The following ITPR2 variants were observed in gnomAD, a reference collection of about 807,000 sequenced individuals.
ITPR2 encodes inositol 1,4,5-trisphosphate-gated calcium channel ITPR2.
In ITPR2, 207 loss-of-function variants were observed where a neutral mutation model predicts 317.1. The observed-to-expected ratio is 0.65, with a 90% CI of 0.58 to 0.73. ITPR2 has a LOEUF of 0.73. Ranked by LOEUF, ITPR2 falls within the 30% of genes least tolerant of loss-of-function variation. ITPR2 has a pLI of 0.00. For synonymous variants in ITPR2, 1,156 were observed against 1,149.1 expected (o/e 1.01, Z -0.12); for missense variants, 2,613 against 3,284.0 (o/e 0.80, Z 4.99).
chr12:26,440,760 T>A (rs10771284), intron 46 of ITPR2, among the ~76,000 whole-genome samples: 113,157 of 149,770 alleles, frequency 0.76, 43,054 homozygotes, highest in Non-Finnish European at 0.83. Context: ...TCAAATATTT[T>A]TAAAAAATCT....
At chr12:26,743,055 T>C (rs1417129479) in intron 2 of ITPR2, among the ~76,000 whole-genome samples, 1 of 152,206 alleles carries the variant, frequency 6.6e-6, no homozygotes, top group African/African-American at 2.4e-5. Context: ...GAAAAGGTTC[T>C]AGAATAGAAA....
chr12:26,704,724 A>T (rs1948519070), intron 9 of ITPR2, among the ~76,000 whole-genome samples: 2 of 152,186 alleles, frequency 1.3e-5, no homozygotes, highest in African/African-American at 4.8e-5. Context: ...TATCTTCTTT[A>T]ATTCCAGAAT....
intron 26 of ITPR2, 98 bp from the exon 27 acceptor site, chr12:26,602,804 T>C: frequency 1.8e-6 from 1 of 547,358 alleles, no homozygotes; most frequent in Admixed American, 3.8e-5. Flanking sequence ...GTAATTATTT[T>C]GTAATAAATC....
At chr12:26,348,442 T>G (rs1938374760) in intron 55 of ITPR2, among the ~76,000 whole-genome samples, 3 of 152,316 alleles carry the variant, frequency 2.0e-5, no homozygotes, top group South Asian at 2.1e-4. Flanking sequence ...TGAGGGCAGA[T>G]TAGGCATTAT....
intron 37 of ITPR2, among the ~76,000 whole-genome samples, chr12:26,506,078 G>A (rs1006388746): frequency 6.6e-6 from 1 of 151,722 alleles, no homozygotes; most frequent in Admixed American, 6.6e-5. Flanking sequence ...TACTTAATAT[G>A]TAAATATTAC....
intron 1 of ITPR2, among the ~76,000 whole-genome samples, chr12:26,812,877 C>T (rs1950781072): frequency 6.6e-6 from 1 of 152,218 alleles, no homozygotes; most frequent in Non-Finnish European, 1.5e-5. Context: ...TATCAAACAT[C>T]TATTTATTCA....
intron 2 of ITPR2, among the ~76,000 whole-genome samples, chr12:26,771,073 T>A (rs1949831985): frequency 6.6e-6 from 1 of 152,216 alleles, no homozygotes; most frequent in South Asian, 2.1e-4. Context: ...AGGACCCACC[T>A]GGGTAATCCA....
intron 8 of ITPR2, among the ~76,000 whole-genome samples, chr12:26,714,314 C>A (rs1387687170): frequency 1.3e-5 from 2 of 152,142 alleles, no homozygotes; most frequent in African/African-American, 4.8e-5. Flanking sequence ...CAAGGGCCCA[C>A]ATTTACCTTT....
intron 2 of ITPR2, among the ~76,000 whole-genome samples, chr12:26,729,333 A>G (rs1948989325): frequency 6.6e-6 from 1 of 152,222 alleles, no homozygotes; most frequent in Non-Finnish European, 1.5e-5. Flanking sequence ...GAGGTTATGA[A>G]GAAAAATTAA....
intron 2 of ITPR2, among the ~76,000 whole-genome samples, chr12:26,729,497 T>C (rs920696896): frequency 6.6e-6 from 1 of 152,120 alleles, no homozygotes; most frequent in East Asian, 1.9e-4. Context: ...TGAAGACACA[T>C]GCACACATAC....
chr12:26,481,293 C>G, intron 42 of ITPR2, 52 bp from the exon 43 acceptor site: 1 of 1,026,864 alleles, frequency 9.7e-7, no homozygotes, highest in South Asian at 1.4e-5. Context: ...CAGAATAGCA[C>G]TAGAACTAAC....
At position 26,561,786 on chromosome 12, in the gene ITPR2, G is replaced by A; in HGVS notation, c.4797C>T (p.Tyr1599=). ...CCTGTAACTTTTCAATAATATTTCT[G>A]TAATCCCAAGCAGGCCCTCCAAGAG... ...KEALGGPAWD[Y]RNIIEKLQDV... is the part of the protein sequence containing the mutation. Residue 1599 remains tyrosine, a synonymous_variant, in exon 35 of 57, where the codon TAC becomes TAT. Coordinates refer to ENST00000381340, the MANE Select transcript of ITPR2 (RefSeq NM_002223.4). 6.3e-7 allele frequency: 1 copy of A among 1,579,272 alleles called. No homozygotes were observed. Among genetic ancestry groups the A allele is most frequent in the South Asian group, 1.2e-5 (1 of 82,158 alleles).
At chr12:26,411,742 T>C (rs1207126076) in intron 51 of ITPR2, among the ~76,000 whole-genome samples, 1 of 152,208 alleles carries the variant, frequency 6.6e-6, no homozygotes, top group Non-Finnish European at 1.5e-5. Context: ...TGACTTGGGA[T>C]GCCAGGAACA....
chr12:26,548,019 A>T (rs752444800), intron 37 of ITPR2, among the ~76,000 whole-genome samples: 20 of 152,236 alleles, frequency 1.3e-4, no homozygotes, highest in Non-Finnish European at 2.6e-4. Flanking sequence ...CTTGCTGTGT[A>T]ACCTCAGTCA....
intron 50 of ITPR2, among the ~76,000 whole-genome samples, chr12:26,417,359 T>C (rs1292263273): frequency 6.6e-6 from 1 of 152,140 alleles, no homozygotes; most frequent in Non-Finnish European, 1.5e-5. Context: ...TTTCACATGT[T>C]TTTCATATTA....
At chr12:26,706,605 C>G (rs1359932537) in intron 9 of ITPR2, among the ~76,000 whole-genome samples, 1 of 152,120 alleles carries the variant, frequency 6.6e-6, no homozygotes, top group Non-Finnish European at 1.5e-5. Context: ...CTTGCACATC[C>G]TTGAGACCCC....
intron 2 of ITPR2, among the ~76,000 whole-genome samples, chr12:26,736,927 A>G (rs988307849): frequency 5.7e-4 from 87 of 152,256 alleles, no homozygotes; most frequent in African/African-American, 2.1e-3. Flanking sequence ...TATTTGAGCA[A>G]CGATAGTTCA....
chr12:26,720,464 G>A (rs1236465041), intron 5 of ITPR2, among the ~76,000 whole-genome samples: 1 of 152,060 alleles, frequency 6.6e-6, no homozygotes, highest in African/African-American at 2.4e-5. Context: ...CCACACAGTC[G>A]GTTTATATTT....
At chr12:26,741,135 A>G (rs1437704104) in intron 2 of ITPR2, among the ~76,000 whole-genome samples, 1 of 152,236 alleles carries the variant, frequency 6.6e-6, no homozygotes, top group Non-Finnish European at 1.5e-5. Flanking sequence ...CAGGAAACTC[A>G]GGCTGAGGAG....
Sources: allele counts gnomAD v4.1 joint callset (sites outside exome capture counted in the v4.1 genomes callset), GRCh38; gene constraint gnomAD v4.1.1; transcripts MANE v1.5; gene names NCBI Gene and HGNC (gene_info 2026-07-23, HGNC 2026-07-21).